The following CACNA1B variants were observed in gnomAD, a reference collection of about 807,000 sequenced individuals.
CACNA1B encodes the protein voltage-dependent N-type calcium channel subunit alpha-1B.
In CACNA1B, 70 loss-of-function variants were observed where a neutral mutation model predicts 247.2. That is an observed-to-expected ratio of 0.28 (90% CI 0.23 to 0.35). The LOEUF is 0.35. Ranked by LOEUF, CACNA1B falls within the 10% of genes least tolerant of loss-of-function variation. The probability of loss-of-function intolerance (pLI) is 1.00; values close to 1 mark genes in which losing one functional copy is unlikely to be tolerated. For synonymous variants in CACNA1B, 1,231 were observed against 1,294.4 expected, an observed-to-expected ratio of 0.95 and a Z score of 1.05; for missense variants, 2,367 against 3,197.4, an observed-to-expected ratio of 0.74 and a Z score of 6.26.
At chr9:137,893,775 T>C (rs1957138057) in intron 3 of CACNA1B, among the ~76,000 whole-genome samples, 1 of 152,348 alleles carries the variant, frequency 6.6e-6, no homozygotes, top group East Asian at 1.9e-4. Context: ...CTTTACCCAG[T>C]TCCCCCAAAG....
rs568478853 is a variant in CACNA1B at position 138,014,294 on chromosome 9, T to A, written c.2267+1059T>A. Among the ~76,000 whole-genome samples, 1 of 152,168 alleles carries A rather than the reference T, an allele frequency of 6.6e-6. No individual in the cohort carries two copies. Among genetic ancestry groups the A allele is most frequent in the Non-Finnish European group, 1.5e-5 (1 of 68,032 alleles). Reference sequence around the variant, plus strand: ...CATGTGCTGAGTGTGTGCACCCCCATACCAGCCCTGATCCTGCCTGGAGGG... The same window carrying A: ...CATGTGCTGAGTGTGTGCACCCCCAAACCAGCCCTGATCCTGCCTGGAGGG... On this transcript the variant is annotated intron_variant, in intron 18 of 46. Coordinates refer to ENST00000371372, the MANE Select transcript of CACNA1B (RefSeq NM_000718.4). This position sits in a 1 kb window ranked among gnomAD's most constrained non-coding sequence, Gnocchi z 6.2.
intron 36 of CACNA1B, among the ~76,000 whole-genome samples, chr9:138,083,541 AAGCCTG>A (rs1275828047): frequency 6.7e-6 from 1 of 149,838 alleles, no homozygotes; most frequent in African/African-American, 2.5e-5. Context: ...CACATCCCCC[AAGCCTG>A]AGCTGAAGTG....
intron 34 of CACNA1B, 122 bp from the exon 35 acceptor site, chr9:138,075,697 G>A (rs1233251469): frequency 3.8e-5 from 25 of 656,172 alleles, no homozygotes; most frequent in Non-Finnish European, 6.4e-5. Flanking sequence ...TCTCTGGTGT[G>A]GGGCAGTCGC....
At chr9:138,066,649 G>A (rs1228835416) in intron 31 of CACNA1B, among the ~76,000 whole-genome samples, 9 of 152,088 alleles carry the variant, frequency 5.9e-5, no homozygotes, top group Admixed American at 5.9e-4. Context: ...TAAGTCATGG[G>A]TAAAAGATGA....
At position 138,072,814 on chromosome 9, in the gene CACNA1B, C is replaced by CG. The variant is rs926376905; in HGVS notation, c.4675-674_4675-673insG. On this transcript the variant is annotated intron_variant, in intron 32 of 46. Transcript: ENST00000371372. The surrounding 1 kb of genome is among the most constrained non-coding windows in gnomAD (Gnocchi z 4.5). ...ATTTTGAGCCCCTTGGATGAGGGAG[C>CG]TCCACTAGACAGCCTGGGCTCTCTA... Among the ~76,000 whole-genome samples the CG allele has an allele frequency of 4.6e-5, 7 of 152,268 alleles. No individual in the cohort carries two copies. The highest frequency in any genetic ancestry group is 3.9e-4 in the Admixed American group (6 of 15,292).
chr9:138,098,579 A>G (rs1159024490), intron 37 of CACNA1B, among the ~76,000 whole-genome samples: 1 of 152,190 alleles, frequency 6.6e-6, no homozygotes. Flanking sequence ...GGCCTTCCAC[A>G]GTCAGCCGCC....
rs182763390 is a variant in CACNA1B at position 138,107,196 on chromosome 9, C to T, written c.5428+1389C>T. Among the ~76,000 whole-genome samples, 56 of 151,674 alleles carry T rather than the reference C, an allele frequency of 3.7e-4. 1 individual carries two copies. The highest frequency in any genetic ancestry group is 2.8e-3 in the Admixed American group (43 of 15,196). The stretch of plus-strand genomic sequence containing the variant: ...TCCCTATCTCAGTCAATGCTTAAGC[C>T]GAAACCTTAGAAATCATCTTATTTT... On this transcript the variant is annotated intron_variant, in intron 39 of 46. Transcript: ENST00000371372.
rs1450033055 is a variant in CACNA1B, at chr9:137,889,277, G to A, written c.530+6394G>A. Among the ~76,000 whole-genome samples, 3 of 150,246 alleles carry A rather than the reference G, an allele frequency of 2.0e-5. 1 individual carries two copies. The highest frequency in any genetic ancestry group is 4.8e-5 in the African/African-American group (2 of 41,352). On this transcript the variant is annotated intron_variant, in intron 3 of 46. Coordinates refer to ENST00000371372, the MANE Select transcript of CACNA1B (RefSeq NM_000718.4). ...TGGGGTCCTTGGACTGCAGCCCTGC[G>A]GGAGGTGCAGCACCCCGACCTCCAG...
At chr9:137,949,242 TGTGTGTG>T (rs1322191918) in intron 6 of CACNA1B, among the ~76,000 whole-genome samples, 2 of 52,508 alleles carry the variant, frequency 3.8e-5, no homozygotes, top group East Asian at 5.9e-4. Context: ...GGTGTATGCA[TGTGTGTG>T]GTGTGTGGTG....
At chr9:137,983,040 C>T (rs1241679668) in intron 12 of CACNA1B, among the ~76,000 whole-genome samples, 1 of 152,188 alleles carries the variant, frequency 6.6e-6, no homozygotes, top group African/African-American at 2.4e-5. Context: ...AGATGTACCA[C>T]AGGGCTCTGT....
chr9:137,896,468 T>A (rs1209605440), intron 3 of CACNA1B, among the ~76,000 whole-genome samples: 4 of 152,192 alleles, frequency 2.6e-5, no homozygotes, highest in Non-Finnish European at 5.9e-5. Context: ...TAGGGATACA[T>A]CCCTGGAATA....
intron 3 of CACNA1B, among the ~76,000 whole-genome samples, chr9:137,898,432 T>C (rs749076005): frequency 2.0e-5 from 3 of 152,192 alleles, no homozygotes; most frequent in Non-Finnish European, 4.4e-5. Context: ...CCTTTTTTTC[T>C]GGAACTCTGA....
intron 42 of CACNA1B, among the ~76,000 whole-genome samples, chr9:138,115,951 C>T (rs1322751320): frequency 1.3e-5 from 2 of 152,360 alleles, no homozygotes; most frequent in East Asian, 1.9e-4. Context: ...TGCCTGAGAG[C>T]AGTCAAGGGC....
At chr9:137,994,738 C>T (rs997497087) in intron 15 of CACNA1B, among the ~76,000 whole-genome samples, 2 of 152,212 alleles carry the variant, frequency 1.3e-5, no homozygotes, top group African/African-American at 2.4e-5. Flanking sequence ...AAACACATCC[C>T]ATGTTCATGT....
At chr9:138,043,212 C>T (rs1391616417) in intron 20 of CACNA1B, among the ~76,000 whole-genome samples, 5 of 152,096 alleles carry the variant, frequency 3.3e-5, no homozygotes, top group African/African-American at 1.2e-4. Context: ...CGAGTCGGGG[C>T]CTGGCGAGGG....
At position 138,050,105 on chromosome 9, in the gene CACNA1B, C is replaced by A. The variant is rs191847324; in HGVS notation, c.3710+790C>A. 2.3e-6 allele frequency: 3 copies of A among 1,288,132 alleles called. No individual in the cohort carries two copies. The highest frequency in any genetic ancestry group is 2.5e-5 in the South Asian group (2 of 80,996). The allele number at this position is 1,288,132 out of a possible 1,614,324, so 79.8% of individuals were successfully genotyped here. A position where few individuals can be genotyped will look rare whatever the true frequency, so the allele number is the denominator to read the frequency against. ...TCGTGGGGTAATGCCTTCTCTCCCC[C>A]ACACGCTGCCCCTGACATCACAGCA... is the stretch of plus-strand genomic sequence containing the variant. On this transcript the variant is annotated intron_variant, in intron 24 of 46. Transcript: ENST00000371372. The surrounding 1 kb of genome is among the most constrained non-coding windows in gnomAD (Gnocchi z 5.2).
rs900841485 is a variant in CACNA1B at position 138,121,390 on chromosome 9, T to A, written c.6490-79T>A. On this transcript the variant is annotated intron_variant, in intron 46 of 46. Transcript: ENST00000371372. The surrounding 1 kb of genome is among the most constrained non-coding windows in gnomAD (Gnocchi z 6.8). ...CCTCCCATCCCCCCAGGCACCTGTG[T>A]GTGATGTGCTCTGTCTGTTGGTTCG... 4 of 1,130,554 alleles carry A rather than the reference T, an allele frequency of 3.5e-6. 1 individual carries two copies. The allele number at this position is 1,130,554 out of a possible 1,614,324, so 70.0% of individuals were successfully genotyped here. A position where few individuals can be genotyped will look rare whatever the true frequency, so the allele number is the denominator to read the frequency against.
chr9:138,113,994 G>A (rs1589136175), intron 40 of CACNA1B, among the ~76,000 whole-genome samples: 1 of 149,112 alleles, frequency 6.7e-6, no homozygotes, highest in African/African-American at 2.5e-5. Flanking sequence ...GTGAGGGAGC[G>A]CAGGAAGGTG....
chr9:137,938,758 C>T (rs1699387661), intron 6 of CACNA1B, among the ~76,000 whole-genome samples: 1 of 152,106 alleles, frequency 6.6e-6, no homozygotes, highest in Admixed American at 6.6e-5. Context: ...ATTTATAAAA[C>T]AATTACTAGT....
Sources: allele counts gnomAD v4.1 joint callset (sites outside exome capture counted in the v4.1 genomes callset), GRCh38; gene constraint gnomAD v4.1.1; non-coding constraint Gnocchi (gnomAD v3.1); transcripts MANE v1.5; gene names NCBI Gene and HGNC (gene_info 2026-07-23, HGNC 2026-07-21).